The following CHCHD3 variants were observed in gnomAD, a reference collection of about 807,000 sequenced individuals.
The protein encoded by CHCHD3 is MICOS complex subunit MIC19.
Under a neutral mutation model 38.2 loss-of-function variants are expected in CHCHD3, and 20 were observed. The observed-to-expected ratio is 0.52, with a 90% confidence interval of 0.37 to 0.76. The LOEUF (loss-of-function observed/expected upper bound fraction) is 0.76, where lower values mean the gene tolerates loss of function less well. Ranked by LOEUF, CHCHD3 falls within the 30% of genes least tolerant of loss-of-function variation. The probability of loss-of-function intolerance (pLI) is 0.00; values close to 1 mark genes in which losing one functional copy is unlikely to be tolerated. For missense variants in CHCHD3, 245 were observed against 279.2 expected (o/e 0.88, Z 0.87); for synonymous variants, 82 against 100.0 (o/e 0.82, Z 1.07).
chr7:132,881,470 T>C (rs1019198179), intron 5 of CHCHD3, among the ~76,000 whole-genome samples: 15 of 152,174 alleles, frequency 9.9e-5, no homozygotes, highest in Non-Finnish European at 1.6e-4. Flanking sequence ...ACGTGTACAA[T>C]TGCTGTGTTA....
intron 2 of CHCHD3, among the ~76,000 whole-genome samples, chr7:133,052,935 T>C (rs1421412262): frequency 6.6e-6 from 1 of 152,186 alleles, no homozygotes; most frequent in African/African-American, 2.4e-5. Flanking sequence ...TGAAGAATTA[T>C]TCTAACAACA....
intron 6 of CHCHD3, among the ~76,000 whole-genome samples, chr7:132,836,037 C>T (rs1416815442): frequency 1.3e-5 from 2 of 152,048 alleles, no homozygotes; most frequent in African/African-American, 4.8e-5. Context: ...AAATACCTTT[C>T]TGTTATTTAA....
intron 2 of CHCHD3, among the ~76,000 whole-genome samples, chr7:133,059,443 CT>C (rs1336865070): frequency 2.6e-5 from 4 of 152,176 alleles, no homozygotes; most frequent in African/African-American, 9.7e-5. Flanking sequence ...GTAGCAGGAA[CT>C]GAGAGCGGGA....
At chr7:132,963,501 G>GGCA (rs1585679425) in intron 4 of CHCHD3, among the ~76,000 whole-genome samples, 3 of 151,394 alleles carry the variant, frequency 2.0e-5, no homozygotes, top group East Asian at 1.9e-4. Context: ...GCATGGTAAT[G>GGCA]GGCGCCTGTA....
At chr7:132,836,828 C>T (rs146433695) in intron 6 of CHCHD3, among the ~76,000 whole-genome samples, 97 of 152,260 alleles carry the variant, frequency 6.4e-4, no homozygotes, top group Non-Finnish European at 1.1e-3. Flanking sequence ...ACCTCACATC[C>T]ACTGCCAGGT....
At chr7:132,953,938 TAA>T (rs539203213) in intron 4 of CHCHD3, among the ~76,000 whole-genome samples, 1 of 152,300 alleles carries the variant, frequency 6.6e-6, no homozygotes, top group East Asian at 1.9e-4. Context: ...GCCCTAGCCA[TAA>T]AAGAGTCATA....
intron 4 of CHCHD3, among the ~76,000 whole-genome samples, chr7:132,894,183 G>T (rs1417540881): frequency 6.6e-6 from 1 of 152,186 alleles, no homozygotes; most frequent in Non-Finnish European, 1.5e-5. Flanking sequence ...AAAATGCAGT[G>T]CTGGATGAAA....
chr7:132,993,213 A>G (rs966053601), intron 3 of CHCHD3, among the ~76,000 whole-genome samples: 9 of 152,222 alleles, frequency 5.9e-5, no homozygotes, highest in African/African-American at 9.6e-5. Flanking sequence ...GAGTCCTTTC[A>G]ATTTGCAGAC....
At chr7:132,841,369 GA>G (rs1218679500) in intron 5 of CHCHD3, among the ~76,000 whole-genome samples, 2 of 137,168 alleles carry the variant, frequency 1.5e-5, no homozygotes, top group African/African-American at 5.4e-5. Flanking sequence ...TTTGGCCTCA[GA>G]AGACACTTTT....
intron 3 of CHCHD3, among the ~76,000 whole-genome samples, chr7:132,986,526 G>A (rs1183783720): frequency 1.3e-5 from 2 of 151,866 alleles, no homozygotes; most frequent in Non-Finnish European, 2.9e-5. Flanking sequence ...GAAAAGTCAA[G>A]TCTCCATTAT....
chr7:132,991,379 TA>T (rs1258268487), intron 3 of CHCHD3, among the ~76,000 whole-genome samples: 1 of 152,210 alleles, frequency 6.6e-6, no homozygotes, highest in Non-Finnish European at 1.5e-5. Flanking sequence ...GCATTTCATA[TA>T]AATACATAGC....
At chr7:132,970,951 T>C (rs1811598266) in intron 4 of CHCHD3, among the ~76,000 whole-genome samples, 1 of 152,026 alleles carries the variant, frequency 6.6e-6, no homozygotes, top group Non-Finnish European at 1.5e-5. Context: ...TTTTTAAAAA[T>C]AATTAAAATT....
rs1032715026 is a variant in CHCHD3, at chr7:132,835,128, C to T, written c.524+3271G>A. 2.0e-5 allele frequency among the ~76,000 whole-genome samples: 3 copies of T among 150,934 alleles called. No individual in the cohort carries two copies. In the East Asian group the frequency reaches 5.8e-4, roughly 29 times the overall value. On this transcript the variant is annotated intron_variant, in intron 6 of 7. Coordinates refer to ENST00000262570, the MANE Select transcript of CHCHD3 (RefSeq NM_017812.4). ...TGGCTGGGACTATAGGCATGCGCCACCACACCTGGTTAATTTTTGTATTTT... is the reference window on the plus strand; with the variant it reads ...TGGCTGGGACTATAGGCATGCGCCATCACACCTGGTTAATTTTTGTATTTT...
At chr7:132,836,063 G>A (rs1402855249) in intron 6 of CHCHD3, among the ~76,000 whole-genome samples, 7 of 151,906 alleles carry the variant, frequency 4.6e-5, no homozygotes, top group Admixed American at 2.6e-4. Context: ...CCGGTCTGTG[G>A]TACTTTGCAG....
At chr7:133,019,225 A>C (rs1294463179) in intron 3 of CHCHD3, among the ~76,000 whole-genome samples, 1 of 151,950 alleles carries the variant, frequency 6.6e-6, no homozygotes, top group East Asian at 1.9e-4. Context: ...GATGCTACCC[A>C]CAAACTCCTG....
At position 132,885,589 on chromosome 7, in the gene CHCHD3, T is replaced by C. The variant is rs1270420842; in HGVS notation, c.453+73A>G. On this transcript the variant is annotated intron_variant, in intron 5 of 7. Coordinates refer to ENST00000262570, the MANE Select transcript of CHCHD3 (RefSeq NM_017812.4). The stretch of plus-strand genomic sequence containing the variant: ...AGGAAAAGCAGTTGAAGTTCTAATT[T>C]ATTAATTTTTAAATAAATATACAAG... 15 of 1,199,462 alleles carry C rather than the reference T, an allele frequency of 1.3e-5. No homozygotes were observed. In the Admixed American group the frequency reaches 4.0e-4, roughly 32 times the overall value. 74.3% of individuals were successfully genotyped at this position (1,199,462 alleles called of 1,614,324 possible).
intron 6 of CHCHD3, among the ~76,000 whole-genome samples, chr7:132,829,275 G>C (rs953974480): frequency 2.0e-5 from 3 of 152,198 alleles, no homozygotes; most frequent in African/African-American, 7.2e-5. Context: ...AACTCAGAAT[G>C]ATCTCATTTA....
At chr7:132,930,547 C>T (rs1490519756) in intron 4 of CHCHD3, among the ~76,000 whole-genome samples, 6 of 152,146 alleles carry the variant, frequency 3.9e-5, no homozygotes, top group African/African-American at 1.2e-4. Flanking sequence ...GAACAATCCT[C>T]GAATGCAGAG....
chr7:133,021,106 C>T (rs189940910), intron 3 of CHCHD3, among the ~76,000 whole-genome samples: 1 of 152,206 alleles, frequency 6.6e-6, no homozygotes, highest in East Asian at 1.9e-4. Flanking sequence ...GTCAAATGCC[C>T]CCTGGGGATC....
Sources: allele counts gnomAD v4.1 joint callset (sites outside exome capture counted in the v4.1 genomes callset), GRCh38; gene constraint gnomAD v4.1.1; transcripts MANE v1.5; gene names NCBI Gene and HGNC (gene_info 2026-07-23, HGNC 2026-07-21).